The following LONP2 variants were observed in gnomAD, a reference collection of about 807,000 sequenced individuals.
LONP2 encodes the protein lon peptidase 2, peroxisomal, also known as lon protease homolog 2, peroxisomal.
Under a neutral mutation model 85.6 loss-of-function variants are expected in LONP2, and 60 were observed. That is an observed-to-expected ratio of 0.70 (90% CI 0.57 to 0.87). The LOEUF (loss-of-function observed/expected upper bound fraction) is 0.87, where lower values mean the gene tolerates loss of function less well. LONP2 is among the 40% of genes least tolerant of loss of function. The probability of loss-of-function intolerance (pLI) is 0.00; values close to 1 mark genes in which losing one functional copy is unlikely to be tolerated. For missense variants in LONP2, 860 were observed against 1,063.5 expected (o/e 0.81, Z 2.66); for synonymous variants, 395 against 389.7 (o/e 1.01, Z -0.16).
intron 8 of LONP2, among the ~76,000 whole-genome samples, chr16:48,292,755 T>C (rs1972582413): frequency 6.6e-6 from 1 of 152,246 alleles, no homozygotes; most frequent in Admixed American, 6.5e-5. Flanking sequence ...GTACACTCTT[T>C]GTTTTCTGCA....
intron 9 of LONP2, among the ~76,000 whole-genome samples, chr16:48,298,629 GT>G (rs1567329358): frequency 1.4e-4 from 16 of 111,386 alleles, no homozygotes; most frequent in African/African-American, 4.8e-4. Flanking sequence ...TAATTGAGGT[GT>G]GTGTGTGTGT....
At chr16:48,310,985 C>T (rs1410229796) in intron 11 of LONP2, among the ~76,000 whole-genome samples, 4 of 152,140 alleles carry the variant, frequency 2.6e-5, no homozygotes, top group Admixed American at 1.3e-4. Context: ...ATAGAATCCC[C>T]GTCTCTTCTG....
At chr16:48,276,782 T>C (rs1336803006) in intron 7 of LONP2, among the ~76,000 whole-genome samples, 1 of 152,232 alleles carries the variant, frequency 6.6e-6, no homozygotes, top group Non-Finnish European at 1.5e-5. Context: ...CCTTATACTA[T>C]AATTAATAGA....
At chr16:48,266,885 G>GT (rs1389554337) in intron 6 of LONP2, among the ~76,000 whole-genome samples, 1 of 151,858 alleles carries the variant, frequency 6.6e-6, no homozygotes, top group Non-Finnish European at 1.5e-5. Flanking sequence ...GAGCCCAGGA[G>GT]TTTGAGACCA....
chr16:48,300,465 C>T (rs745523493), intron 10 of LONP2, among the ~76,000 whole-genome samples: 2 of 152,208 alleles, frequency 1.3e-5, no homozygotes, highest in Non-Finnish European at 2.9e-5. Context: ...TCCACCACAG[C>T]CTCTTACAGT....
chr16:48,313,388 T>C (rs934658727), intron 11 of LONP2, among the ~76,000 whole-genome samples: 4 of 152,168 alleles, frequency 2.6e-5, no homozygotes, highest in Non-Finnish European at 5.9e-5. Context: ...TAGGTAAACA[T>C]GTGCCATGGT....
downstream of LONP2, among the ~76,000 whole-genome samples, chr16:48,359,019 A>C (rs372215005): frequency 7.2e-5 from 11 of 152,276 alleles, no homozygotes; most frequent in East Asian, 2.1e-3. Context: ...CAAGAGTCTC[A>C]GTCCGTCACC....
chr16:48,249,413 T>C (rs1270058468), intron 1 of LONP2, among the ~76,000 whole-genome samples: 1 of 152,220 alleles, frequency 6.6e-6, no homozygotes, highest in African/African-American at 2.4e-5. Context: ...TTGTATATCA[T>C]AGAAGGAAAA....
At position 48,301,634 on chromosome 16, in the gene LONP2, C is replaced by CA. The variant is rs921174127; in HGVS notation, c.1662-1525dup. On this transcript the variant is annotated intron_variant, in intron 10 of 14. Coordinates refer to ENST00000285737, the MANE Select transcript of LONP2 (RefSeq NM_031490.5). ...TGGGCAACAGAGTGAGACTCCGTCTCAAAAAAAAAAAAATAGAGATGGGGT... is the reference window on the plus strand; with the variant it reads ...TGGGCAACAGAGTGAGACTCCGTCTCAAAAAAAAAAAAAATAGAGATGGGGT... Among the ~76,000 whole-genome samples the CA allele has an allele frequency of 4.7e-3, 649 of 138,174 alleles. 3 individuals carry two copies. Among genetic ancestry groups the CA allele is most frequent in the Non-Finnish European group, 6.9e-3 (436 of 63,182 alleles). The allele number at this position is 138,174 out of a possible 152,430, so 90.6% of individuals were successfully genotyped here. A position where few individuals can be genotyped will look rare whatever the true frequency, so the allele number is the denominator to read the frequency against.
downstream of LONP2, chr16:48,362,071 G>A: frequency 6.2e-7 from 1 of 1,614,206 alleles, no homozygotes; most frequent in Non-Finnish European, 8.5e-7. The surrounding 1 kb of genome is among the most constrained non-coding windows in gnomAD (Gnocchi z 4.2). Context: ...AACTCACAGA[G>A]CTCTTCATGG....
rs780726352 is a variant in LONP2 at position 48,347,689 on chromosome 16, C to T, written c.2121C>T (p.Asn707=). 10 of 1,613,822 alleles carry T rather than the reference C, an allele frequency of 6.2e-6. No homozygotes were observed. Among genetic ancestry groups the T allele is most frequent in the Admixed American group, 3.3e-5 (2 of 59,998 alleles). Residue 707 remains asparagine (N), a synonymous_variant, in exon 13 of 15, where the codon AAC becomes AAT. Transcript: ENST00000285737. ...TCGCTATCAGCTGGCTCCGCAGCAACGCAAAGAAGTACCAGCTGACCAATG... is the reference window on the plus strand; with the variant it reads ...TCGCTATCAGCTGGCTCCGCAGCAATGCAAAGAAGTACCAGCTGACCAATG... ...AHLAISWLRS[N]AKKYQLTNAF...
At chr16:48,329,959 G>A (rs1959386928) in intron 11 of LONP2, among the ~76,000 whole-genome samples, 1 of 152,132 alleles carries the variant, frequency 6.6e-6, no homozygotes, top group African/African-American at 2.4e-5. Context: ...ATTTCCCTAA[G>A]GATAGATTGC....
intron 14 of LONP2, among the ~76,000 whole-genome samples, chr16:48,349,722 A>G (rs1567355247): frequency 6.6e-6 from 1 of 152,374 alleles, no homozygotes; most frequent in East Asian, 1.9e-4. Flanking sequence ...AAAAAACTAT[A>G]GTGAAAAACA....
chr16:48,259,794 G>T (rs954985075), intron 4 of LONP2, among the ~76,000 whole-genome samples: 1 of 152,140 alleles, frequency 6.6e-6, no homozygotes, highest in Admixed American at 6.5e-5. Context: ...ATTATTTCTG[G>T]CTTGAGATCA....
At position 48,257,773 on chromosome 16, in the gene LONP2, A is replaced by G. The variant is rs192122885; in HGVS notation, c.601-845A>G. On this transcript the variant is annotated intron_variant, in intron 3 of 14. Transcript: ENST00000285737. ...CAGGTTGGTTATACACAGGAATTCAATTAATCCAGTGGGAGTAGAAGAGTT... is the reference window on the plus strand; with the variant it reads ...CAGGTTGGTTATACACAGGAATTCAGTTAATCCAGTGGGAGTAGAAGAGTT... 1.3e-3 allele frequency among the ~76,000 whole-genome samples: 205 copies of G among 152,364 alleles called. 1 individual carries two copies. Among genetic ancestry groups the G allele is most frequent in the African/African-American group, 4.5e-3 (188 of 41,588 alleles).
intron 7 of LONP2, among the ~76,000 whole-genome samples, chr16:48,276,956 C>T (rs1972221053): frequency 6.6e-6 from 1 of 152,022 alleles, no homozygotes. Context: ...AAGGTGGTTG[C>T]GTTGGGTAGG....
At chr16:48,272,963 C>T (rs148899993) in intron 7 of LONP2, among the ~76,000 whole-genome samples, 90 of 152,172 alleles carry the variant, frequency 5.9e-4, no homozygotes, top group African/African-American at 1.8e-3. Context: ...AAAGAACAAC[C>T]GACAATTCCA....
intron 12 of LONP2, chr16:48,334,726 C>T: frequency 1.8e-6 from 1 of 546,344 alleles, no homozygotes; most frequent in Non-Finnish European, 3.6e-6. Flanking sequence ...CCTCAAATAT[C>T]AGACACTGCT....
intron 12 of LONP2, among the ~76,000 whole-genome samples, chr16:48,341,808 G>A (rs770936843): frequency 1.3e-5 from 2 of 152,204 alleles, no homozygotes. Flanking sequence ...GAGCAGGAGT[G>A]GGTGCAGGTG....
Sources: allele counts gnomAD v4.1 joint callset (sites outside exome capture counted in the v4.1 genomes callset), GRCh38; gene constraint gnomAD v4.1.1; non-coding constraint Gnocchi (gnomAD v3.1); transcripts MANE v1.5; gene names NCBI Gene and HGNC (gene_info 2026-07-23, HGNC 2026-07-21).